ATXN1: variants seen among roughly 807,000 people sequenced by gnomAD.
The protein encoded by ATXN1 is ataxin 1, also known as ataxin-1.
Under a neutral mutation model 56.4 loss-of-function variants are expected in ATXN1, and 8 were observed. The ratio of observed to expected loss-of-function variants is 0.14; its 90% CI spans 0.08 to 0.26. The LOEUF is 0.26. Among genes scored for constraint, ATXN1 ranks in the 10% least tolerant of loss-of-function variants. The pLI, the probability that ATXN1 is intolerant of heterozygous loss-of-function variation, is 1.00. For synonymous variants in ATXN1, 514 were observed against 494.6 expected, an observed-to-expected ratio of 1.04 and a Z score of -0.52; for missense variants, 987 against 1,106.5, an observed-to-expected ratio of 0.89 and a Z score of 1.53.
chr6:16,316,767 A>G (rs1251212490), intron 7 of ATXN1, among the ~76,000 whole-genome samples: 1 of 146,960 alleles, frequency 6.8e-6, no homozygotes, highest in East Asian at 2.1e-4. Context: ...AAAACAAAAC[A>G]AAAAAAAAAC....
intron 3 of ATXN1, among the ~76,000 whole-genome samples, chr6:16,605,467 GATC>G (rs1296835632): frequency 1.3e-5 from 2 of 152,140 alleles, no homozygotes; most frequent in African/African-American, 2.4e-5. Flanking sequence ...CTATTCTTAA[GATC>G]CTCTGCACTT....
intron 6 of ATXN1, among the ~76,000 whole-genome samples, chr6:16,418,564 T>C (rs1446533483): frequency 2.6e-5 from 4 of 152,048 alleles, no homozygotes; most frequent in Non-Finnish European, 5.9e-5. Flanking sequence ...TATTTTATTT[T>C]ATTATTATTA....
At chr6:16,573,534 C>T (rs541866153) in intron 4 of ATXN1, among the ~76,000 whole-genome samples, 7 of 152,088 alleles carry the variant, frequency 4.6e-5, no homozygotes, top group East Asian at 1.9e-4. Context: ...ACATTGTCAC[C>T]GGTTTCAGAT....
intron 3 of ATXN1, among the ~76,000 whole-genome samples, chr6:16,618,522 C>T (rs926861531): frequency 1.3e-5 from 2 of 152,190 alleles, no homozygotes; most frequent in South Asian, 4.1e-4. Flanking sequence ...CCTGAGGTCA[C>T]GAGTTCGTGA....
chr6:16,505,100 G>A (rs1417068320), intron 5 of ATXN1, among the ~76,000 whole-genome samples: 1 of 150,720 alleles, frequency 6.6e-6, no homozygotes, highest in East Asian at 2.0e-4. Flanking sequence ...TCCGAGGAAC[G>A]TAGGCCACTG....
At chr6:16,683,943 T>C (rs1758865793) in intron 2 of ATXN1, among the ~76,000 whole-genome samples, 2 of 152,340 alleles carry the variant, frequency 1.3e-5, no homozygotes, top group South Asian at 4.1e-4. Context: ...CAGTTCATGG[T>C]TCACGGTTCT....
At chr6:16,699,220 A>T (rs922126078) in intron 2 of ATXN1, among the ~76,000 whole-genome samples, 1 of 152,240 alleles carries the variant, frequency 6.6e-6, no homozygotes, top group African/African-American at 2.4e-5. Context: ...CTACAAAAAC[A>T]GCTCCAAAAT....
intron 6 of ATXN1, among the ~76,000 whole-genome samples, chr6:16,447,272 T>C (rs577683230): frequency 6.6e-6 from 1 of 152,328 alleles, no homozygotes; most frequent in Admixed American, 6.5e-5. Flanking sequence ...TCACCCACGT[T>C]AGAGTGCAGT....
intron 5 of ATXN1, among the ~76,000 whole-genome samples, chr6:16,491,874 G>A (rs1437606162): frequency 6.6e-6 from 1 of 152,198 alleles, no homozygotes; most frequent in Non-Finnish European, 1.5e-5. Context: ...GAGAGGACAT[G>A]TTGATGGAGG....
rs146573598 is a variant in ATXN1, at chr6:16,649,482, T to C, written c.-489+8294A>G. ...TTGGCCGACATGGTTATGCATGACA[T>C]AAAACAGTTTAAAAAAATGGTTTTT... On this transcript the variant is annotated intron_variant, in intron 3 of 7. Transcript: ENST00000436367. Among the ~76,000 whole-genome samples the C allele has an allele frequency of 8.5e-3, 1,294 of 152,288 alleles. 12 individuals carry two copies. The highest frequency in any genetic ancestry group is 0.027 in the Middle Eastern group (8 of 294).
chr6:16,481,494 G>T (rs2237192), intron 6 of ATXN1, among the ~76,000 whole-genome samples: 9,543 of 152,178 alleles, frequency 0.063, 482 homozygotes, highest in East Asian at 0.22. Context: ...AGGTACAGAG[G>T]TATTTATTTT....
chr6:16,668,604 C>G (rs1758478990), intron 2 of ATXN1, among the ~76,000 whole-genome samples: 1 of 151,832 alleles, frequency 6.6e-6, no homozygotes, highest in Non-Finnish European at 1.5e-5. Flanking sequence ...AGAATTAGGT[C>G]TGTCCTACTG....
chr6:16,614,429 A>G (rs1763167756), intron 3 of ATXN1, among the ~76,000 whole-genome samples: 1 of 151,954 alleles, frequency 6.6e-6, no homozygotes, highest in South Asian at 2.1e-4. Flanking sequence ...TCCATGATAC[A>G]TACATCCTGA....
At chr6:16,400,342 G>C (rs1274028039) in intron 6 of ATXN1, among the ~76,000 whole-genome samples, 1 of 152,144 alleles carries the variant, frequency 6.6e-6, no homozygotes, top group East Asian at 1.9e-4. Flanking sequence ...GAGGTGGAGA[G>C]AGCTCAACCT....
At chr6:16,660,995 C>T (rs1373319184) in intron 2 of ATXN1, among the ~76,000 whole-genome samples, 3 of 151,876 alleles carry the variant, frequency 2.0e-5, no homozygotes, top group African/African-American at 7.3e-5. Context: ...CCCACCACCA[C>T]ACCCAGCTAA....
intron 4 of ATXN1, among the ~76,000 whole-genome samples, chr6:16,530,985 A>G (rs749392753): frequency 1.4e-4 from 22 of 152,342 alleles, no homozygotes; most frequent in Middle Eastern, 3.4e-3. Flanking sequence ...ATACACCTTA[A>G]TAAGTCCTCT....
At chr6:16,366,721 C>A (rs1352901372) in intron 6 of ATXN1, among the ~76,000 whole-genome samples, 1 of 149,024 alleles carries the variant, frequency 6.7e-6, no homozygotes, top group Non-Finnish European at 1.5e-5. Flanking sequence ...GTGGAGGTTG[C>A]AGTGAGCCGA....
At chr6:16,623,126 G>T (rs1466760413) in intron 3 of ATXN1, among the ~76,000 whole-genome samples, 5 of 152,062 alleles carry the variant, frequency 3.3e-5, no homozygotes, top group Middle Eastern at 3.4e-3. Context: ...AGTAGTTTGG[G>T]TTTATTTTTT....
intron 4 of ATXN1, among the ~76,000 whole-genome samples, chr6:16,569,395 G>A (rs1160376690): frequency 6.6e-6 from 1 of 152,034 alleles, no homozygotes; most frequent in African/African-American, 2.4e-5. Context: ...GCATGGTGGT[G>A]TGAGCCTTGT....
Sources: gnomAD v4.1 joint callset for allele counts (sites outside exome capture counted in the v4.1 genomes callset) on GRCh38, gnomAD v4.1.1 for gene constraint, MANE v1.5 for transcripts, NCBI Gene and HGNC (gene_info 2026-07-23, HGNC 2026-07-21) for gene names.